The following ANKRD36C variants were observed in gnomAD, a reference collection of about 807,000 sequenced individuals.
The protein encoded by ANKRD36C is ankyrin repeat domain 36C.
A neutral mutation model predicts 276.4 loss-of-function variants in ANKRD36C; 61 were observed. That is an observed-to-expected ratio of 0.22 (90% CI 0.18 to 0.27). The LOEUF (loss-of-function observed/expected upper bound fraction) is 0.27, where lower values mean the gene tolerates loss of function less well. Ranked by LOEUF, ANKRD36C falls within the 10% of genes least tolerant of loss-of-function variation. The probability of loss-of-function intolerance (pLI) is 1.00; values close to 1 mark genes in which losing one functional copy is unlikely to be tolerated. For missense variants in ANKRD36C, 1,447 were observed against 2,032.3 expected (o/e 0.71, Z 5.54); for synonymous variants, 483 against 680.1 (o/e 0.71, Z 4.51).
At chr2:95,948,711 A>C in intron 16 of ANKRD36C, 115 bp from the exon 17 acceptor site, 2 of 881,518 alleles carry the variant, frequency 2.3e-6, no homozygotes, top group Non-Finnish European at 3.4e-6. Flanking sequence ...ACAAAGTCTG[A>C]GGAAGGTCAG....
chr2:95,885,800 T>C (rs1260338401), intron 52 of ANKRD36C, among the ~76,000 whole-genome samples: 1 of 151,852 alleles, frequency 6.6e-6, no homozygotes, highest in Non-Finnish European at 1.5e-5. Flanking sequence ...GAGGCTGTTA[T>C]GTGCTGAACC....
At chr2:95,966,324 C>T (rs1469560580) in intron 6 of ANKRD36C, among the ~76,000 whole-genome samples, 3 of 151,686 alleles carry the variant, frequency 2.0e-5, no homozygotes, top group African/African-American at 2.4e-5. Context: ...GTCTTTAATG[C>T]ATCTTGAGTT....
chr2:95,982,654 TTTAA>T (rs1251405550), intron 3 of ANKRD36C, among the ~76,000 whole-genome samples: 1 of 100,280 alleles, frequency 1.0e-5, no homozygotes, highest in African/African-American at 3.9e-5. Flanking sequence ...GTTTCAAGGA[TTTAA>T]TTGTTTCCCA....
chr2:95,892,169 G>C (rs911633964), intron 44 of ANKRD36C, among the ~76,000 whole-genome samples: 2 of 151,558 alleles, frequency 1.3e-5, no homozygotes, highest in African/African-American at 4.8e-5. Flanking sequence ...TCTAAAATCA[G>C]AGGAGCAACT....
chr2:95,958,667 A>T lies in ANKRD36C; in HGVS notation c.1033-4T>A. The T allele has an allele frequency of 1.3e-6, 2 of 1,551,112 alleles. No individual in the cohort carries two copies. The highest frequency in any genetic ancestry group is 8.7e-7 in the Non-Finnish European group (1 of 1,150,488). On this transcript the variant is annotated splice_region_variant and splice_polypyrimidine_tract_variant and intron_variant, in intron 11 of 66. Coordinates refer to ENST00000456556, the Ensembl canonical transcript of ANKRD36C. The stretch of plus-strand genomic sequence containing the variant: ...AATCGTTCTTGTCACTTGTATCCTG[A>T]ATGGGATTTCAAACAAAATAATCAA...
Position 95,900,777 on chromosome 2 carries a change from C to A in ANKRD36C, c.2654-1441G>T, listed in dbSNP as rs370892240. On this transcript the variant is annotated intron_variant, in intron 42 of 66. Transcript: ENST00000456556. Reference sequence around the variant, plus strand: ...TGTGCCCAAGAGCCCCTTACGTCTTCAACTGCTCTCCATATTTCTTCCTCC... The same window carrying A: ...TGTGCCCAAGAGCCCCTTACGTCTTAAACTGCTCTCCATATTTCTTCCTCC... Among the ~76,000 whole-genome samples, 69 of 130,342 alleles carry A rather than the reference C, an allele frequency of 5.3e-4. 17 individuals carry two copies. The East Asian group carries it at 0.016, about 30-fold the overall frequency. The allele number at this position is 130,342 out of a possible 152,430, so 85.5% of individuals were successfully genotyped here.
chr2:95,957,274 T>G (rs369692650), intron 12 of ANKRD36C, among the ~76,000 whole-genome samples: 11 of 152,420 alleles, frequency 7.2e-5, no homozygotes, highest in East Asian at 5.8e-4. Flanking sequence ...GGATCACGCA[T>G]GTCTTTCATA....
At chr2:95,903,735 T>C (rs1676724981) in intron 42 of ANKRD36C, among the ~76,000 whole-genome samples, 1 of 145,734 alleles carries the variant, frequency 6.9e-6, no homozygotes, top group Admixed American at 7.2e-5. Context: ...CTTCATCCAG[T>C]CGTGGCAACA....
At chr2:95,980,550 T>C (rs1255522892) in intron 5 of ANKRD36C, 98 bp downstream of exon 5, 1 of 1,424,336 alleles carries the variant, frequency 7.0e-7, no homozygotes, top group Non-Finnish European at 9.3e-7. Context: ...ACTACTTGAA[T>C]CAAACTATGC....
chr2:95,921,702 TAATA>T (rs751960926), intron 33 of ANKRD36C, 23 bp from the exon 34 acceptor site: 4 of 1,587,728 alleles, frequency 2.5e-6, no homozygotes, highest in Admixed American at 1.7e-5. Context: ...TGAAAGAAAA[TAATA>T]AATAAATAAA....
chr2:95,948,952 A>T (rs1452051223), intron 16 of ANKRD36C, among the ~76,000 whole-genome samples: 4 of 152,160 alleles, frequency 2.6e-5, no homozygotes, highest in Non-Finnish European at 5.9e-5. Context: ...AATCCAATTG[A>T]TATCTGTCAC....
At chr2:95,991,693 G>C in exon 1 of ANKRD36C, 1 of 1,613,358 alleles carries the variant, frequency 6.2e-7, no homozygotes, top group South Asian at 1.1e-5. Context: ...CACCTCTTCG[G>C]CTCCTTGTCA....
chr2:95,937,669 CCA>C (rs1677754944), intron 22 of ANKRD36C, among the ~76,000 whole-genome samples: 1 of 131,996 alleles, frequency 7.6e-6, no homozygotes, highest in African/African-American at 2.8e-5. Context: ...GATACTTTGG[CCA>C]TTTCTTCTTT....
intron 63 of ANKRD36C, among the ~76,000 whole-genome samples, chr2:95,854,708 A>G (rs1389437673): frequency 2.0e-5 from 3 of 152,332 alleles, no homozygotes; most frequent in South Asian, 2.1e-4. Flanking sequence ...GAATAGAATG[A>G]TCATATCTAT....
rs202242743 is a variant in ANKRD36C at position 95,855,923 on chromosome 2, G to C, written c.4338C>G (p.Leu1446=). ...CTCTTTGCTTCTCCAGTTTAGAACGGAGCGTTGTGTTTTCATCCGTCAGAG... is the reference window on the plus strand; with the variant it reads ...CTCTTTGCTTCTCCAGTTTAGAACGCAGCGTTGTGTTTTCATCCGTCAGAG... The change falls in exon 63 of 67, where the codon CTC becomes CTG. Residue 1446 remains leucine (L), a synonymous_variant. Transcript: ENST00000456556. 2.6e-5 allele frequency: 42 copies of C among 1,613,482 alleles called. 1 individual carries two copies. Among genetic ancestry groups the C allele is most frequent in the Admixed American group, 1.7e-4 (10 of 59,848 alleles).
rs964826008 is a variant in ANKRD36C at position 95,876,769 on chromosome 2, G to A, written c.3470-260C>T. Among the ~76,000 whole-genome samples, 88 of 143,572 alleles carry A rather than the reference G, an allele frequency of 6.1e-4. 1 individual carries two copies. Among genetic ancestry groups the A allele is most frequent in the Non-Finnish European group, 4.1e-4 (27 of 66,046 alleles). 94.2% of individuals were successfully genotyped at this position (143,572 alleles called of 152,430 possible). A position where few individuals can be genotyped will look rare whatever the true frequency, so the allele number is the denominator to read the frequency against. On this transcript the variant is annotated intron_variant, in intron 58 of 66. Transcript: ENST00000456556. Reference sequence around the variant, plus strand: ...CGGGAGGCTGGTGCAGGAGAATGGCGTGAGCCCGGGAAGTGGAGCTTGCAG... The same window carrying A: ...CGGGAGGCTGGTGCAGGAGAATGGCATGAGCCCGGGAAGTGGAGCTTGCAG...
chr2:95,962,224 A>C (rs1463477012), intron 8 of ANKRD36C, 128 bp downstream of exon 8: 5 of 1,185,734 alleles, frequency 4.2e-6, no homozygotes, highest in African/African-American at 1.6e-5. Context: ...AACTTATTAC[A>C]AAAGCAGAAT....
intron 6 of ANKRD36C, among the ~76,000 whole-genome samples, chr2:95,975,903 T>C (rs1167243075): frequency 2.0e-5 from 3 of 151,956 alleles, no homozygotes; most frequent in Admixed American, 6.6e-5. Flanking sequence ...ATATCCAGAA[T>C]CTACAATGAA....
intron 32 of ANKRD36C, 42 bp downstream of exon 32, chr2:95,923,453 A>G (rs759837748): frequency 1.9e-6 from 3 of 1,599,716 alleles, no homozygotes; most frequent in East Asian, 2.3e-5. Flanking sequence ...GTTCTTTTCT[A>G]TCTGGACTGA....
Sources: gnomAD v4.1 joint callset for allele counts (sites outside exome capture counted in the v4.1 genomes callset) on GRCh38, gnomAD v4.1.1 for gene constraint, MANE v1.5 for transcripts, NCBI Gene and HGNC (gene_info 2026-07-23, HGNC 2026-07-21) for gene names.